The following ALK variants were observed in gnomAD, a reference collection of about 807,000 sequenced individuals.
ALK encodes the protein ALK tyrosine kinase receptor.
Under a neutral mutation model 163.1 loss-of-function variants are expected in ALK, and 74 were observed. The ratio of observed to expected loss-of-function variants is 0.45; its 90% CI spans 0.38 to 0.55. The LOEUF is 0.55. ALK is among the 20% of genes least tolerant of loss of function. The probability of loss-of-function intolerance (pLI) is 0.00; values close to 1 mark genes in which losing one functional copy is unlikely to be tolerated. For synonymous variants in ALK, 960 were observed against 843.2 expected (o/e 1.14, Z -2.40); for missense variants, 2,063 against 2,105.3 (o/e 0.98, Z 0.39).
intron 1 of ALK, among the ~76,000 whole-genome samples, chr2:29,788,357 C>T (rs1327653707): frequency 6.6e-6 from 1 of 152,192 alleles, no homozygotes; most frequent in East Asian, 1.9e-4. Context: ...AGAGAAGGAA[C>T]GAGTGTCTAG....
intron 1 of ALK, among the ~76,000 whole-genome samples, chr2:29,795,105 TATC>T (rs2148359873): frequency 6.6e-6 from 1 of 152,190 alleles, no homozygotes; most frequent in South Asian, 2.1e-4. Flanking sequence ...TTAGTCCTGA[TATC>T]ATCCAAATAA....
At chr2:29,783,745 C>T (rs1663913764) in intron 1 of ALK, among the ~76,000 whole-genome samples, 1 of 152,072 alleles carries the variant, frequency 6.6e-6, no homozygotes, top group Non-Finnish European at 1.5e-5. Flanking sequence ...AAAACACTAC[C>T]CTTTAGGGAG....
At chr2:29,200,798 C>CGT (rs755970086) in intron 26 of ALK, among the ~76,000 whole-genome samples, 31,393 of 75,922 alleles carry the variant, frequency 0.41, 5,650 homozygotes, top group East Asian at 0.74. Flanking sequence ...TACATGTATA[C>CGT]ATATATATGT....
intron 3 of ALK, among the ~76,000 whole-genome samples, chr2:29,578,836 C>T (rs1674596700): frequency 6.6e-6 from 1 of 152,212 alleles, no homozygotes; most frequent in Non-Finnish European, 1.5e-5. Context: ...GTGCAGATCC[C>T]AGCCTGGGAC....
Position 29,536,554 on chromosome 2 carries a change from G to A in ALK, c.953-4438C>T, listed in dbSNP as rs75375412. 1.3e-3 allele frequency among the ~76,000 whole-genome samples: 201 copies of A among 152,232 alleles called. 2 individuals are homozygous for A. Among genetic ancestry groups the A allele is most frequent in the Admixed American group, 9.7e-3 (148 of 15,292 alleles). ...ACCCAGCCTTAGGTATTCCTTTACA[G>A]TGACACAAGCATGGACTAATACAGA... On this transcript the variant is annotated intron_variant, in intron 3 of 28. Transcript: ENST00000389048.
intron 1 of ALK, among the ~76,000 whole-genome samples, chr2:29,768,289 G>A (rs544285246): frequency 2.6e-5 from 4 of 152,270 alleles, no homozygotes; most frequent in African/African-American, 9.6e-5. Flanking sequence ...CTGGGTAAAC[G>A]GGGGCCCAGT....
chr2:29,280,679 G>T (rs1665692365), intron 9 of ALK, among the ~76,000 whole-genome samples: 1 of 150,822 alleles, frequency 6.6e-6, no homozygotes. Context: ...CCAAGGGAAA[G>T]TTCTAGTATG....
At chr2:29,535,821 T>G (rs1673237085) in intron 3 of ALK, among the ~76,000 whole-genome samples, 1 of 152,186 alleles carries the variant, frequency 6.6e-6, no homozygotes, top group Non-Finnish European at 1.5e-5. Flanking sequence ...CTAAAGAAAT[T>G]GAGTCAAGTC....
intron 9 of ALK, among the ~76,000 whole-genome samples, chr2:29,295,281 T>C (rs1259925943): frequency 2.0e-5 from 3 of 152,174 alleles, no homozygotes; most frequent in African/African-American, 7.2e-5. Context: ...AACATCTTAC[T>C]TTAAATCCCC....
At chr2:29,429,055 G>A (rs765619691) in intron 4 of ALK, among the ~76,000 whole-genome samples, 38 of 152,000 alleles carry the variant, frequency 2.5e-4, no homozygotes, top group African/African-American at 8.4e-4. Context: ...CTTGAACACC[G>A]TATCATGACA....
chr2:29,393,538 G>A (rs983226319), intron 4 of ALK, among the ~76,000 whole-genome samples: 7 of 152,180 alleles, frequency 4.6e-5, no homozygotes, highest in African/African-American at 7.2e-5. Flanking sequence ...CCCTCAGTCC[G>A]TCACCACTGG....
rs535266232 is a variant in ALK at position 29,811,953 on chromosome 2, A to G, written c.668-94256T>C. ...TTGGAAAAGGTGGCATAGAGGGTGC[A>G]AGGGGCAGGAAAACTGAAGGGGTGA... On this transcript the variant is annotated intron_variant, in intron 1 of 28. Coordinates refer to ENST00000389048, the MANE Select transcript of ALK (RefSeq NM_004304.5). Among the ~76,000 whole-genome samples the G allele has an allele frequency of 5.3e-5, 8 of 152,362 alleles. No homozygotes were observed. The East Asian group carries it at 1.5e-3, about 29-fold the overall frequency.
At chr2:29,746,449 C>T (rs1680210751) in intron 1 of ALK, among the ~76,000 whole-genome samples, 1 of 152,200 alleles carries the variant, frequency 6.6e-6, no homozygotes, top group African/African-American at 2.4e-5. Context: ...CTTGAATCTT[C>T]AGAATACAAA....
chr2:29,541,826 C>T (rs542335824), intron 3 of ALK, among the ~76,000 whole-genome samples: 1 of 152,146 alleles, frequency 6.6e-6, no homozygotes, highest in Non-Finnish European at 1.5e-5. Flanking sequence ...GAGGTTGATA[C>T]CTTTAAAAGT....
intron 1 of ALK, among the ~76,000 whole-genome samples, chr2:29,836,037 T>G (rs1318066693): frequency 6.6e-6 from 1 of 152,182 alleles, no homozygotes; most frequent in Non-Finnish European, 1.5e-5. Context: ...TAGATCATGC[T>G]GCAGCATGAC....
chr2:29,520,131 G>A (rs762137901), intron 4 of ALK, among the ~76,000 whole-genome samples: 5 of 152,164 alleles, frequency 3.3e-5, no homozygotes, highest in Non-Finnish European at 5.9e-5. Context: ...CAATCACCAA[G>A]CATGGGAACC....
intron 3 of ALK, among the ~76,000 whole-genome samples, chr2:29,671,240 T>C (rs1677677450): frequency 6.6e-6 from 1 of 152,050 alleles, no homozygotes; most frequent in African/African-American, 2.4e-5. Context: ...CGCTAATAAA[T>C]AGTCAAAGTG....
In ALK at chr2:29,618,144, A is replaced by G. The variant is rs552444108; in HGVS notation, c.952+76706T>C. On this transcript the variant is annotated intron_variant, in intron 3 of 28. Coordinates refer to ENST00000389048, the MANE Select transcript of ALK (RefSeq NM_004304.5). ...GCTGACCAACATTCACTCCAGTTCC[A>G]AGCAATCAAACCAGCCTTTTGTCAG... Among the ~76,000 whole-genome samples, 187 of 152,296 alleles carry G rather than the reference A, an allele frequency of 1.2e-3. 1 individual carries two copies. Among genetic ancestry groups the G allele is most frequent in the Non-Finnish European group, 2.3e-3 (155 of 68,012 alleles).
chr2:29,326,364 A>AT (rs1467671931), intron 6 of ALK, among the ~76,000 whole-genome samples: 1 of 152,106 alleles, frequency 6.6e-6, no homozygotes, highest in African/African-American at 2.4e-5. Context: ...CTGTGCCTTC[A>AT]TTTTCCCAAT....
Sources: gnomAD v4.1 joint callset for allele counts (sites outside exome capture counted in the v4.1 genomes callset) on GRCh38, gnomAD v4.1.1 for gene constraint, MANE v1.5 for transcripts, NCBI Gene and HGNC (gene_info 2026-07-23, HGNC 2026-07-21) for gene names.